Variants in DDX11 observed in about 807,000 individuals in gnomAD.
DDX11 encodes DEAD/H-box helicase 11.
DDX11 carries 72 observed loss-of-function variants against 125.2 expected under a neutral mutation model. That is an observed-to-expected ratio of 0.58 (90% confidence interval 0.48 to 0.70). The LOEUF is 0.70. Ranked by LOEUF, DDX11 falls within the 30% of genes least tolerant of loss-of-function variation. The probability of loss-of-function intolerance (pLI) is 0.00; values close to 1 mark genes in which losing one functional copy is unlikely to be tolerated. For missense variants in DDX11, 883 were observed against 1,165.0 expected, an observed-to-expected ratio of 0.76 and a Z score of 3.52; for synonymous variants, 347 against 452.6, an observed-to-expected ratio of 0.77 and a Z score of 2.96.
At position 31,101,085 on chromosome 12, in the gene DDX11, C is replaced by G. The variant is rs781532876; in HGVS notation, c.2007C>G (p.Asn669Lys). 1.9e-6 allele frequency: 3 copies of G among 1,614,100 alleles called. No individual in the cohort carries two copies. The highest frequency in any genetic ancestry group is 1.3e-5 in the African/African-American group (1 of 74,938). ...TCGTCATCTGCAGCGGGATCTCCAA[C>G]CAGCCGCTGGAATTCACGTTCCAGA... ...LPLVICSGIS[N>K]QPLEFTFQKR... is the part of the protein sequence containing the mutation. Residue 669 changes from asparagine to lysine, a missense_variant, in exon 20 of 27, where the codon AAC becomes AAG. Asn to Lys is a moderately conservative substitution (Grantham distance 94). This residue lies in a region of DDX11 where 285 missense variants were observed against 346.0 expected (regional missense o/e 0.82). Transcript: ENST00000542838.
chr12:31,096,690 C>A lies in DDX11; in HGVS notation c.1575C>A (p.Pro525=). The A allele has an allele frequency of 6.2e-7, 1 of 1,614,094 alleles. No homozygotes were observed. The highest frequency in any genetic ancestry group is 8.5e-7 in the Non-Finnish European group (1 of 1,180,012). The part of the protein sequence containing the change: ...YGAVFSSREQ[P]KLAGFQQFLQ... The stretch of plus-strand genomic sequence containing the variant: ...CAGTGTTCTCATCCCGGGAGCAGCC[C>A]AAACTGGCTGGGTTTCAGCAATTCC... Residue 525 remains proline, a synonymous_variant, in exon 16 of 27, where the codon CCC becomes CCA. Coordinates refer to ENST00000542838, the MANE Select transcript of DDX11 (RefSeq NM_030653.4).
intron 2 of DDX11, among the ~76,000 whole-genome samples, chr12:31,080,590 G>C (rs1363731938): frequency 8.9e-6 from 1 of 111,766 alleles, no homozygotes; most frequent in Non-Finnish European, 1.8e-5. Flanking sequence ...ACTTGGGCTT[G>C]AGTGTCTCTG....
Position 31,088,807 on chromosome 12 carries a change from G to A in DDX11, c.685-237G>A, listed in dbSNP as rs143811250. On this transcript the variant is annotated intron_variant, in intron 6 of 26. Coordinates refer to ENST00000542838, the MANE Select transcript of DDX11 (RefSeq NM_030653.4). ...GTTGATTAGAGGCTGGATATGACTC[G>A]TGGAAGGAGCTGCCTTTGGGGCATT... Among the ~76,000 whole-genome samples, 291 of 152,344 alleles carry A rather than the reference G, an allele frequency of 1.9e-3. 6 individuals are homozygous for A. The East Asian group carries it at 0.048, about 25-fold the overall frequency.
intron 1 of DDX11, among the ~76,000 whole-genome samples, chr12:31,074,857 A>G (rs1197172475): frequency 6.6e-6 from 1 of 152,258 alleles, no homozygotes; most frequent in African/African-American, 2.4e-5. Flanking sequence ...CCCGGCTGCC[A>G]TGACAAAATA....
In DDX11 at chr12:31,074,126, G is replaced by A. The variant is rs1592533708; in HGVS notation, c.-5+35G>A. On this transcript the variant is annotated intron_variant, in intron 1 of 26. Transcript: ENST00000542838. ...CCGTCCGGAGCGGGAAAACATTCCG[G>A]AAGTGGAGGGCCGGGCCAGCGTGAT... is the stretch of plus-strand genomic sequence containing the variant. The A allele has an allele frequency of 3.9e-5, 6 of 152,378 alleles. 1 individual carries two copies. Among genetic ancestry groups the A allele is most frequent in the Admixed American group, 3.3e-4 (5 of 15,312 alleles). 9.4% of individuals were successfully genotyped at this position (152,378 alleles called of 1,614,324 possible).
chr12:31,076,733 T>A (rs559787008), intron 1 of DDX11: 2 of 152,232 alleles, frequency 1.3e-5, no homozygotes, highest in African/African-American at 4.8e-5. Context: ...CTTTCCTTCA[T>A]GTGTTAAAGC....
chr12:31,086,469 C>T (rs891929455), intron 5 of DDX11, among the ~76,000 whole-genome samples: 12 of 151,744 alleles, frequency 7.9e-5, no homozygotes, highest in African/African-American at 2.7e-4. Flanking sequence ...ATGTGAACTT[C>T]GACTTCTGCC....
Position 31,073,906 on chromosome 12 carries a change from C to A in DDX11, c.-190C>A. On this transcript the variant is annotated 5_prime_UTR_variant, in exon 1 of 27. Transcript: ENST00000542838. Reference sequence around the variant, plus strand: ...TGAGGGGACCCGCCAGTTTCTAACTCAGTGGCGTTTGCCCTGATTCCCGGG... The same window carrying A: ...TGAGGGGACCCGCCAGTTTCTAACTAAGTGGCGTTTGCCCTGATTCCCGGG... 6.6e-6 allele frequency: 1 copy of A among 152,398 alleles called. No homozygotes were observed. Among genetic ancestry groups the A allele is most frequent in the Non-Finnish European group, 1.5e-5 (1 of 68,056 alleles). 9.4% of individuals were successfully genotyped at this position (152,398 alleles called of 1,614,324 possible). A position where few individuals can be genotyped will look rare whatever the true frequency, so the allele number is the denominator to read the frequency against.
intron 23 of DDX11, 176 bp downstream of exon 23, chr12:31,102,703 C>A: frequency 1.4e-6 from 1 of 712,936 alleles, no homozygotes; most frequent in Non-Finnish European, 2.5e-6. Flanking sequence ...CCTGGGAGAG[C>A]AGTTGGATTT....
In DDX11 at chr12:31,104,534, G is replaced by A. The variant is rs1208126801; in HGVS notation, c.*698G>A. On this transcript the variant is annotated 3_prime_UTR_variant, in exon 27 of 27. Transcript: ENST00000542838. ...CCAGCAATTATGCCAAGGGCCGTTAGGCTCTCAACATGACTATAGAGACCC... is the reference window on the plus strand; with the variant it reads ...CCAGCAATTATGCCAAGGGCCGTTAAGCTCTCAACATGACTATAGAGACCC... 5.8e-6 allele frequency: 1 copy of A among 173,128 alleles called. No homozygotes were observed. The highest frequency in any genetic ancestry group is 1.3e-5 in the Non-Finnish European group (1 of 79,556). The allele number at this position is 173,128 out of a possible 1,614,324, so 10.7% of individuals were successfully genotyped here.
At chr12:31,093,669 C>T (rs1592723985) in intron 12 of DDX11, 2 of 335,508 alleles carry the variant, frequency 6.0e-6, no homozygotes. Flanking sequence ...TGCAGTGAGC[C>T]GAGATTGTGC....
rs1397235095 is a variant in DDX11, at chr12:31,094,576, A to G, written c.1370-14A>G. 1.9e-6 allele frequency: 3 copies of G among 1,574,002 alleles called. No individual in the cohort carries two copies. The highest frequency in any genetic ancestry group is 1.4e-5 in the African/African-American group (1 of 73,532). ...AGAACCAGCATTGTGACCTATTTCCATTCTCTTTTTTAGGGAACATTAAGC... is the reference window on the plus strand; with the variant it reads ...AGAACCAGCATTGTGACCTATTTCCGTTCTCTTTTTTAGGGAACATTAAGC... On this transcript the variant is annotated splice_polypyrimidine_tract_variant and intron_variant, in intron 12 of 26. Transcript: ENST00000542838.
intron 24 of DDX11, 142 bp downstream of exon 24, chr12:31,103,162 C>T (rs536829056): frequency 2.3e-6 from 3 of 1,313,650 alleles, no homozygotes; most frequent in East Asian, 2.5e-5. Context: ...TGCCCCTCCA[C>T]ACCCTCTTGA....
rs748602134 is a variant in DDX11 at position 31,091,851 on chromosome 12, G to T, written c.1222G>T (p.Val408Leu). The T allele has an allele frequency of 6.2e-7, 1 of 1,613,926 alleles. No individual in the cohort carries two copies. Among genetic ancestry groups the T allele is most frequent in the Non-Finnish European group, 8.5e-7 (1 of 1,179,864 alleles). ...LIDTITGMHS[V>L]EVSGSQLCQA... is the part of the protein sequence containing the mutation. ...CGACACCATCACGGGCATGCACAGC[G>T]TGGAGGTCAGCGGCTCCCAGGTGTG... Residue 408 changes from valine to leucine, a missense_variant, in exon 10 of 27, where the codon GTG becomes TTG. Transcript: ENST00000542838.
intron 2 of DDX11, 86 bp downstream of exon 2, chr12:31,078,623 CAT>C (rs1230556389): frequency 6.3e-7 from 1 of 1,599,460 alleles, no homozygotes; most frequent in Non-Finnish European, 8.5e-7. Flanking sequence ...CAGAGATTTT[CAT>C]AGTTTGAAGT....
At chr12:31,078,246 G>A in intron 1 of DDX11, 144 bp from the exon 2 acceptor site, 1 of 1,572,790 alleles carries the variant, frequency 6.4e-7, no homozygotes, top group Non-Finnish European at 8.6e-7. Flanking sequence ...GCGAAGGATG[G>A]AGAGAACATG....
intron 18 of DDX11, among the ~76,000 whole-genome samples, chr12:31,100,063 C>T (rs1034762978): frequency 4.6e-5 from 7 of 152,200 alleles, no homozygotes; most frequent in South Asian, 4.2e-4. Flanking sequence ...GATAGGCAGG[C>T]GCATGATTAC....
At chr12:31,089,279 C>T (rs776671110) in intron 7 of DDX11, 124 bp from the exon 8 acceptor site, 1 of 1,363,654 alleles carries the variant, frequency 7.3e-7, no homozygotes, top group East Asian at 2.3e-5. Flanking sequence ...GCAGCCCCCT[C>T]CCTGACCTGG....
intron 1 of DDX11, among the ~76,000 whole-genome samples, chr12:31,074,897 T>C (rs1940483593): frequency 6.6e-6 from 1 of 152,222 alleles, no homozygotes; most frequent in Admixed American, 6.5e-5. Flanking sequence ...GACACAGAAA[T>C]GTGTTTTCTC....
Sources: allele counts gnomAD v4.1 joint callset (sites outside exome capture counted in the v4.1 genomes callset), GRCh38; gene constraint gnomAD v4.1.1; regional missense constraint gnomAD v4.1.1; transcripts MANE v1.5; gene names NCBI Gene and HGNC (gene_info 2026-07-23, HGNC 2026-07-21).